SLCO3A1: variants seen among roughly 807,000 people sequenced by gnomAD.
The protein encoded by SLCO3A1 is solute carrier organic anion transporter family member 3A1.
In SLCO3A1, 27 loss-of-function variants were observed where a neutral mutation model predicts 63.1. The observed-to-expected ratio is 0.43, with a 90% CI of 0.32 to 0.59. The LOEUF is 0.59. SLCO3A1 is among the 20% of genes least tolerant of loss of function. The probability of loss-of-function intolerance (pLI) is 0.09; values close to 1 mark genes in which losing one functional copy is unlikely to be tolerated. For missense variants in SLCO3A1, 773 were observed against 945.8 expected (o/e 0.82, Z 2.40); for synonymous variants, 473 against 409.9 (o/e 1.15, Z -1.86).
At chr15:91,903,959 G>A (rs1898226729) in intron 1 of SLCO3A1, among the ~76,000 whole-genome samples, 1 of 139,018 alleles carries the variant, frequency 7.2e-6, no homozygotes, top group Non-Finnish European at 1.6e-5. Context: ...CCGGTGGAGA[G>A]GGTGAGAGTG....
intron 4 of SLCO3A1, among the ~76,000 whole-genome samples, chr15:92,111,958 A>G (rs1429230065): frequency 2.0e-5 from 3 of 152,246 alleles, no homozygotes; most frequent in Admixed American, 2.0e-4. Flanking sequence ...TCTGAAACAT[A>G]TGTGACTCAG....
downstream of SLCO3A1, among the ~76,000 whole-genome samples, chr15:92,168,177 G>A (rs2048503391): frequency 6.6e-6 from 1 of 152,206 alleles, no homozygotes; most frequent in South Asian, 2.1e-4. Context: ...GATAAGGAGA[G>A]CCAATTCATG....
chr15:92,134,096 G>A (rs1439798618), intron 7 of SLCO3A1, among the ~76,000 whole-genome samples: 3 of 152,206 alleles, frequency 2.0e-5, no homozygotes, highest in Admixed American at 1.3e-4. Flanking sequence ...ACTGAGAAGC[G>A]CTGGCCTTTT....
intron 8 of SLCO3A1, among the ~76,000 whole-genome samples, chr15:92,150,744 C>T (rs1470922446): frequency 6.6e-6 from 1 of 151,546 alleles, no homozygotes; most frequent in Non-Finnish European, 1.5e-5. Context: ...AATTCCTAAA[C>T]TTATCTTGGC....
At chr15:92,126,303 C>A (rs1257265836) in intron 6 of SLCO3A1, 44 bp downstream of exon 6, 2 of 1,532,150 alleles carry the variant, frequency 1.3e-6, no homozygotes, top group Admixed American at 3.3e-5. Flanking sequence ...TGTTCAGGGA[C>A]CCTAGCAATC....
chr15:92,036,514 A>G (rs893962091), intron 2 of SLCO3A1, among the ~76,000 whole-genome samples: 1 of 152,136 alleles, frequency 6.6e-6, no homozygotes, highest in Non-Finnish European at 1.5e-5. Context: ...GGGCAGCGGC[A>G]TTGCTTAACC....
chr15:92,061,015 A>G (rs2047080457), intron 2 of SLCO3A1, among the ~76,000 whole-genome samples: 1 of 152,190 alleles, frequency 6.6e-6, no homozygotes, highest in Admixed American at 6.5e-5. Flanking sequence ...TACACAGTTC[A>G]TGGCTATATT....
At chr15:92,098,403 G>A (rs2047565655) in intron 3 of SLCO3A1, among the ~76,000 whole-genome samples, 1 of 152,200 alleles carries the variant, frequency 6.6e-6, no homozygotes, top group East Asian at 1.9e-4. Context: ...TTGCTCCTCA[G>A]CTCAGGGAGA....
At chr15:91,957,264 G>A (rs891322821) in intron 2 of SLCO3A1, among the ~76,000 whole-genome samples, 4 of 141,576 alleles carry the variant, frequency 2.8e-5, no homozygotes, top group Admixed American at 1.6e-4. Context: ...TGAACCACCG[G>A]ACCTGGCTGC....
At position 92,147,035 on chromosome 15, in the gene SLCO3A1, G is replaced by A. The variant is rs766437983; in HGVS notation, c.1564G>A (p.Val522Met). Residue 522 changes from valine to methionine, a missense_variant, in exon 8 of 10, where the codon GTG becomes ATG. By Grantham distance (21) the Val-to-Met change is conservative (BLOSUM62 1). Coordinates refer to ENST00000318445, the MANE Select transcript of SLCO3A1 (RefSeq NM_013272.4). ...LTTVPAENATVVPGKCPSPGC... is the reference protein window; with the variant it reads ...LTTVPAENATMVPGKCPSPGC... ...CACCGTCCCTGCTGAGAACGCAACC[G>A]TGGTTCCTGGAAAATGCCCCAGTCC... 1.1e-5 allele frequency: 18 copies of A among 1,614,028 alleles called. No homozygotes were observed. The highest frequency in any genetic ancestry group is 2.7e-5 in the African/African-American group (2 of 74,924).
chr15:91,974,893 G>C (rs1901039162), intron 2 of SLCO3A1, among the ~76,000 whole-genome samples: 1 of 152,176 alleles, frequency 6.6e-6, no homozygotes, highest in African/African-American at 2.4e-5. Context: ...GCTGGCACTA[G>C]ATACCCTTTA....
chr15:91,930,054 T>C (rs923229857), intron 2 of SLCO3A1, among the ~76,000 whole-genome samples: 1 of 152,196 alleles, frequency 6.6e-6, no homozygotes, highest in Non-Finnish European at 1.5e-5. Context: ...CATCTGGGTA[T>C]CCTAAGGTGT....
intron 9 of SLCO3A1, among the ~76,000 whole-genome samples, chr15:92,156,253 G>A (rs530454840): frequency 3.7e-4 from 56 of 152,222 alleles, no homozygotes; most frequent in African/African-American, 9.6e-4. Flanking sequence ...GAGATACGGC[G>A]GTGGGATGCA....
At chr15:91,933,570 G>T (rs534618880) in intron 2 of SLCO3A1, among the ~76,000 whole-genome samples, 1 of 152,262 alleles carries the variant, frequency 6.6e-6, no homozygotes, top group East Asian at 1.9e-4. Flanking sequence ...AAAGGATCAG[G>T]ATAACAAGCA....
intron 4 of SLCO3A1, among the ~76,000 whole-genome samples, chr15:92,120,030 T>C (rs2047843813): frequency 6.6e-6 from 1 of 152,192 alleles, no homozygotes; most frequent in Non-Finnish European, 1.5e-5. Flanking sequence ...AATAGGTATA[T>C]TGACATATAC....
At chr15:92,114,593 G>A (rs1158461363) in intron 4 of SLCO3A1, among the ~76,000 whole-genome samples, 13 of 152,186 alleles carry the variant, frequency 8.5e-5, no homozygotes, top group East Asian at 1.9e-4. Flanking sequence ...CCATGCTTCC[G>A]TCACAGTATT....
chr15:92,165,111 T>C lies in SLCO3A1; in HGVS notation c.*1976T>C. ...AACATTGTAAATGAAGAGGCTTGAA[T>C]GACAGCCCAAATCTAGAGAAGGCAC... On this transcript the variant is annotated 3_prime_UTR_variant, in exon 10 of 10. Transcript: ENST00000318445. 1.0e-6 allele frequency: 1 copy of C among 985,446 alleles called. No homozygotes were observed. 61.0% of individuals were successfully genotyped at this position (985,446 alleles called of 1,614,324 possible).
intron 2 of SLCO3A1, among the ~76,000 whole-genome samples, chr15:92,008,995 CA>C (rs2046341292): frequency 6.6e-6 from 1 of 152,154 alleles, no homozygotes; most frequent in African/African-American, 2.4e-5. Flanking sequence ...TAGATGGAGT[CA>C]TTTGTAGAGA....
At chr15:92,077,323 C>T (rs1417846081) in intron 2 of SLCO3A1, among the ~76,000 whole-genome samples, 1 of 152,130 alleles carries the variant, frequency 6.6e-6, no homozygotes, top group Non-Finnish European at 1.5e-5. Context: ...CCTCCCTTCC[C>T]TTCTTGGGCT....
Sources: allele counts gnomAD v4.1 joint callset (sites outside exome capture counted in the v4.1 genomes callset), GRCh38; gene constraint gnomAD v4.1.1; transcripts MANE v1.5; gene names NCBI Gene and HGNC (gene_info 2026-07-23, HGNC 2026-07-21).